Variants in THSD4 observed in about 807,000 individuals in gnomAD.
The protein encoded by THSD4 is thrombospondin type 1 domain containing 4, also known as thrombospondin type-1 domain-containing protein 4.
Under a neutral mutation model 119.0 loss-of-function variants are expected in THSD4, and 69 were observed. The observed-to-expected ratio is 0.58, with a 90% CI of 0.48 to 0.71. The LOEUF (loss-of-function observed/expected upper bound fraction) is 0.71, where lower values mean the gene tolerates loss of function less well. Among genes scored for constraint, THSD4 ranks in the 30% least tolerant of loss-of-function variants. The probability of loss-of-function intolerance (pLI) is 0.00; values close to 1 mark genes in which losing one functional copy is unlikely to be tolerated. For synonymous variants in THSD4, 524 were observed against 540.4 expected (o/e 0.97, Z 0.42); for missense variants, 1,393 against 1,391.1 (o/e 1.00, Z -0.02).
At chr15:71,714,588 G>A (rs2052571372) in intron 8 of THSD4, among the ~76,000 whole-genome samples, 1 of 150,970 alleles carries the variant, frequency 6.6e-6, no homozygotes, top group African/African-American at 2.4e-5. Context: ...GTTCACTCCT[G>A]TAATCCCAAT....
intron 3 of THSD4, among the ~76,000 whole-genome samples, chr15:71,195,288 C>G (rs2043709944): frequency 6.6e-6 from 1 of 152,138 alleles, no homozygotes. Context: ...AAGGGCAACT[C>G]TAGCATATAT....
chr15:71,465,065 CA>C (rs1345480153), intron 7 of THSD4, among the ~76,000 whole-genome samples: 1 of 152,026 alleles, frequency 6.6e-6, no homozygotes, highest in Non-Finnish European at 1.5e-5. Context: ...GCGAGTGACT[CA>C]AGGTGGAACT....
chr15:71,271,849 T>C (rs994621737), intron 6 of THSD4, among the ~76,000 whole-genome samples: 1 of 152,162 alleles, frequency 6.6e-6, no homozygotes, highest in Non-Finnish European at 1.5e-5. Context: ...GGAGAAAACA[T>C]AGGAGAAACA....
Position 71,379,860 on chromosome 15 carries a change from A to G in THSD4, c.1016-31827A>G, listed in dbSNP as rs535749998. Among the ~76,000 whole-genome samples, 5 of 152,222 alleles carry G rather than the reference A, an allele frequency of 3.3e-5. No individual in the cohort carries two copies. The South Asian group carries it at 1.0e-3, about 32-fold the overall frequency. ...AGACAAATTAAATTTAACAGAATTT[A>G]ATTGAATGATTCACAAATGGAGTAG... is the stretch of plus-strand genomic sequence containing the variant. On this transcript the variant is annotated intron_variant, in intron 6 of 17. Coordinates refer to ENST00000261862, the MANE Select transcript of THSD4 (RefSeq NM_024817.3).
At position 71,369,376 on chromosome 15, in the gene THSD4, G is replaced by A. The variant is rs1334582315; in HGVS notation, c.1016-42311G>A. Reference sequence around the variant, plus strand: ...TCTTGTGCCAGTTTTCAAAGGGAAAGCTTCCAGTTTTTGCCCATTCAGTCT... The same window carrying A: ...TCTTGTGCCAGTTTTCAAAGGGAAAACTTCCAGTTTTTGCCCATTCAGTCT... On this transcript the variant is annotated intron_variant, in intron 6 of 17. Coordinates refer to ENST00000261862, the MANE Select transcript of THSD4 (RefSeq NM_024817.3). Among the ~76,000 whole-genome samples, 13 of 152,200 alleles carry A rather than the reference G, an allele frequency of 8.5e-5. 1 individual carries two copies. The highest frequency in any genetic ancestry group is 2.9e-5 in the Non-Finnish European group (2 of 68,032).
rs184383308 is a variant in THSD4, at chr15:71,533,356, G to A, written c.1152+121533G>A. ...ACTTTTTCTGTGTGTAATGAAAATG[G>A]TTTCATCCTCGAAATCCCCTTTTGT... On this transcript the variant is annotated intron_variant, in intron 7 of 17. Coordinates refer to ENST00000261862, the MANE Select transcript of THSD4 (RefSeq NM_024817.3). 4.6e-5 allele frequency among the ~76,000 whole-genome samples: 7 copies of A among 152,270 alleles called. No homozygotes were observed. In the East Asian group the frequency reaches 1.4e-3, roughly 29 times the overall value.
At chr15:71,532,440 A>T (rs1290796340) in intron 7 of THSD4, among the ~76,000 whole-genome samples, 1 of 151,632 alleles carries the variant, frequency 6.6e-6, no homozygotes, top group Non-Finnish European at 1.5e-5. Context: ...CCTCCTGAGT[A>T]GCTAGGATTA....
At chr15:71,566,492 G>C (rs945439809) in intron 7 of THSD4, among the ~76,000 whole-genome samples, 1 of 152,088 alleles carries the variant, frequency 6.6e-6, no homozygotes, top group African/African-American at 2.4e-5. Context: ...CAGATAACTA[G>C]CTTGCTGAAT....
At chr15:71,670,915 G>C (rs1038538718) in intron 8 of THSD4, among the ~76,000 whole-genome samples, 5 of 152,168 alleles carry the variant, frequency 3.3e-5, no homozygotes, top group African/African-American at 4.8e-5. Context: ...ATTTGGGTTG[G>C]TTGGTACCAA....
At chr15:71,549,997 G>A (rs953188015) in intron 7 of THSD4, among the ~76,000 whole-genome samples, 2 of 152,188 alleles carry the variant, frequency 1.3e-5, no homozygotes, top group East Asian at 1.9e-4. Context: ...ATGGGTTGGA[G>A]GACAGACACA....
intron 7 of THSD4, among the ~76,000 whole-genome samples, chr15:71,617,112 G>A (rs1433492123): frequency 6.6e-6 from 1 of 152,168 alleles, no homozygotes; most frequent in African/African-American, 2.4e-5. Flanking sequence ...CATGGCAAAT[G>A]TCCTCAGAAG....
At chr15:71,442,297 A>G (rs985863049) in intron 7 of THSD4, among the ~76,000 whole-genome samples, 2 of 149,892 alleles carry the variant, frequency 1.3e-5, no homozygotes, top group Admixed American at 6.7e-5. Flanking sequence ...GGCCGAGTGC[A>G]GTGGCTCCCA....
chr15:71,484,800 G>A (rs539404788), intron 7 of THSD4, among the ~76,000 whole-genome samples: 1 of 152,116 alleles, frequency 6.6e-6, no homozygotes, highest in African/African-American at 2.4e-5. Context: ...GATGGAGTAC[G>A]ACCTGGGGCC....
At chr15:71,593,880 G>A (rs2049855731) in intron 7 of THSD4, among the ~76,000 whole-genome samples, 1 of 151,534 alleles carries the variant, frequency 6.6e-6, no homozygotes, top group Non-Finnish European at 1.5e-5. Flanking sequence ...CTCCAGCCTG[G>A]ACAACAACAC....
chr15:71,384,294 C>T (rs1271787456), intron 6 of THSD4, among the ~76,000 whole-genome samples: 3 of 152,032 alleles, frequency 2.0e-5, no homozygotes, highest in Non-Finnish European at 4.4e-5. Flanking sequence ...AGGAGAATGG[C>T]GTGAACCCCG....
chr15:71,511,343 T>C (rs1274607828), intron 7 of THSD4, among the ~76,000 whole-genome samples: 1 of 152,118 alleles, frequency 6.6e-6, no homozygotes, highest in Non-Finnish European at 1.5e-5. Flanking sequence ...GAAGGAATAA[T>C]AGATTCTCTC....
intron 8 of THSD4, among the ~76,000 whole-genome samples, chr15:71,721,649 AAC>A (rs1263644468): frequency 1.3e-5 from 2 of 148,962 alleles, no homozygotes; most frequent in Non-Finnish European, 3.0e-5. Flanking sequence ...CAACCTGAGT[AAC>A]AGAGTGAGAC....
chr15:71,561,300 A>G (rs570358298), intron 7 of THSD4, among the ~76,000 whole-genome samples: 3 of 152,276 alleles, frequency 2.0e-5, no homozygotes, highest in South Asian at 4.1e-4. Context: ...TGGGAGGATC[A>G]TGTCAATATC....
chr15:71,567,150 G>T (rs1168668063), intron 7 of THSD4, among the ~76,000 whole-genome samples: 1 of 152,152 alleles, frequency 6.6e-6, no homozygotes, highest in Non-Finnish European at 1.5e-5. Flanking sequence ...CGACTGTACT[G>T]GCGGACCCTA....
Sources: gnomAD v4.1 joint callset for allele counts (sites outside exome capture counted in the v4.1 genomes callset) on GRCh38, gnomAD v4.1.1 for gene constraint, MANE v1.5 for transcripts, NCBI Gene and HGNC (gene_info 2026-07-23, HGNC 2026-07-21) for gene names.